Variants in ADAT3 observed in about 807,000 individuals in gnomAD.
ADAT3 encodes adenosine deaminase tRNA specific 3.
ADAT3 carries 2 observed loss-of-function variants against 3.5 expected under a neutral mutation model. That is an observed-to-expected ratio of 0.57 (90% CI 0.23 to 1.79). The LOEUF (loss-of-function observed/expected upper bound fraction) is 1.79, where lower values mean the gene tolerates loss of function less well. Among genes scored for constraint, ADAT3 ranks in the 40% most tolerant of loss-of-function variants. The pLI is 0.18. For synonymous variants in ADAT3, 358 were observed against 270.3 expected, an observed-to-expected ratio of 1.32 and a Z score of -3.18; for missense variants, 735 against 571.4, an observed-to-expected ratio of 1.29 and a Z score of -2.92.
intron 1 of ADAT3, among the ~76,000 whole-genome samples, chr19:1,907,644 A>G (rs1346362604): frequency 6.6e-6 from 1 of 152,116 alleles, no homozygotes; most frequent in Non-Finnish European, 1.5e-5. Flanking sequence ...GGTTGTCACC[A>G]CGCAGGGTCT....
In ADAT3 at chr19:1,913,299, C is replaced by T; in HGVS notation, c.*148C>T. Reference sequence around the variant, plus strand: ...CAGCGGGGAGCACGGGTGCTGCCTTCCGTGCGGATCGAGCTTTCCTGGACT... The same window carrying T: ...CAGCGGGGAGCACGGGTGCTGCCTTTCGTGCGGATCGAGCTTTCCTGGACT... On this transcript the variant is annotated 3_prime_UTR_variant, in exon 2 of 2. Transcript: ENST00000329478. 1 of 1,229,174 alleles carries T rather than the reference C, an allele frequency of 8.1e-7. No homozygotes were observed. Among genetic ancestry groups the T allele is most frequent in the Non-Finnish European group, 1.1e-6 (1 of 903,956 alleles). The allele number at this position is 1,229,174 out of a possible 1,614,324, so 76.1% of individuals were successfully genotyped here. A position where few individuals can be genotyped will look rare whatever the true frequency, so the allele number is the denominator to read the frequency against.
rs538664300 is a variant in ADAT3 at position 1,912,109 on chromosome 19, C to G, written c.62C>G (p.Pro21Arg). 6.6e-7 allele frequency: 1 copy of G among 1,521,050 alleles called. No individual in the cohort carries two copies. The highest frequency in any genetic ancestry group is 1.2e-5 in the South Asian group (1 of 80,670). The allele number at this position is 1,521,050 out of a possible 1,614,324, so 94.2% of individuals were successfully genotyped here. A position where few individuals can be genotyped will look rare whatever the true frequency, so the allele number is the denominator to read the frequency against. ...GCCTCGCTGAGGATGGAGCCCGCCC[C>G]GGGCCTCGTGGAGCAGCCCAAGTGC... ...QSASLRMEPAPGLVEQPKCLE... is the reference protein window; with the variant it reads ...QSASLRMEPARGLVEQPKCLE... The change falls in exon 2 of 2, where the codon CCG becomes CGG. Residue 21 changes from proline to arginine, a missense_variant. Transcript: ENST00000329478.
At position 1,912,615 on chromosome 19, in the gene ADAT3, C is replaced by T. The variant is rs1459042009; in HGVS notation, c.568C>T (p.Gln190Ter). ...CTCCACGCAGGAGCGCGCCGCCATGCAGAGCCACATGGAGCGGGCGGTGTG... is the reference window on the plus strand; with the variant it reads ...CTCCACGCAGGAGCGCGCCGCCATGTAGAGCCACATGGAGCGGGCGGTGTG... ...LFSTQERAAM[Q>*]SHMERAVWAA... The change falls in exon 2 of 2, where the codon CAG becomes TAG. Residue 190 changes from glutamine (Q) to a stop codon, truncating the protein, a stop_gained. Coordinates refer to ENST00000329478, the MANE Select transcript of ADAT3 (RefSeq NM_138422.4). LOFTEE classifies it low-confidence loss of function (END_TRUNC). 1.4e-6 allele frequency: 2 copies of T among 1,476,350 alleles called. No individual in the cohort carries two copies. The highest frequency in any genetic ancestry group is 1.8e-6 in the Non-Finnish European group (2 of 1,120,420). The allele number at this position is 1,476,350 out of a possible 1,614,324, so 91.5% of individuals were successfully genotyped here. A position where few individuals can be genotyped will look rare whatever the true frequency, so the allele number is the denominator to read the frequency against.
chr19:1,907,498 G>A (rs1338510177), intron 1 of ADAT3, among the ~76,000 whole-genome samples: 8 of 152,098 alleles, frequency 5.3e-5, no homozygotes, highest in African/African-American at 1.4e-4. Context: ...GGAATTGACC[G>A]CGCTGGGCTG....
Position 1,908,266 on chromosome 19 carries a change from T to C in ADAT3, c.-159+2827T>C, listed in dbSNP as rs1446159908. On this transcript the variant is annotated intron_variant, in intron 1 of 1. Transcript: ENST00000329478. The surrounding 1 kb of genome is among the most constrained non-coding windows in gnomAD (Gnocchi z 4.2). The stretch of plus-strand genomic sequence containing the variant: ...CGCGCTTCCTGCTCCCGGCTCCCAC[T>C]GCATCTCCGGTTCTGTGCTTTGTTG... 7.0e-6 allele frequency: 2 copies of C among 283,946 alleles called. No homozygotes were observed. The highest frequency in any genetic ancestry group is 7.0e-6 in the Non-Finnish European group (1 of 142,586). 17.6% of individuals were successfully genotyped at this position (283,946 alleles called of 1,614,324 possible).
At chr19:1,906,563 G>A (rs79235473) in intron 1 of ADAT3, 9,296 of 151,732 alleles carry the variant, frequency 0.061, 372 homozygotes, top group East Asian at 0.13. Flanking sequence ...AAATACATAC[G>A]TGTAGCGCCG....
rs1444448138 is a variant in ADAT3 at position 1,913,135 on chromosome 19, T to C, written c.1088T>C (p.Leu363Pro). The change falls in exon 2 of 2, where the codon CTG (leucine) becomes CCG (proline). Residue 363 changes from leucine (L) to proline (P), a missense_variant. Transcript: ENST00000329478. The stretch of plus-strand genomic sequence containing the variant: ...GTGCTGGAGGAGCAGTGCCGCTGGC[T>C]GGACCCCGACACGTAGGCGCCGCCC... ...RGVLEEQCRW[L>P]DPDT is the part of the protein sequence containing the mutation. 2 of 1,566,984 alleles carry C rather than the reference T, an allele frequency of 1.3e-6. No individual in the cohort carries two copies. The highest frequency in any genetic ancestry group is 2.4e-5 in the East Asian group (1 of 42,478).
In ADAT3 at chr19:1,911,986, G is replaced by C; in HGVS notation, c.-62G>C. The C allele has an allele frequency of 7.1e-7, 1 of 1,411,480 alleles. No homozygotes were observed. 87.4% of individuals were successfully genotyped at this position (1,411,480 alleles called of 1,614,324 possible). A position where few individuals can be genotyped will look rare whatever the true frequency, so the allele number is the denominator to read the frequency against. The stretch of plus-strand genomic sequence containing the variant: ...CTTTGGTGGCAGCACGCCCTGCCTT[G>C]TGGAGCCACGGCCTCCCGGGACGGA... On this transcript the variant is annotated 5_prime_UTR_variant, in exon 2 of 2. Coordinates refer to ENST00000329478, the MANE Select transcript of ADAT3 (RefSeq NM_138422.4).
In ADAT3 at chr19:1,912,725, C is replaced by G. The variant is rs1323251137; in HGVS notation, c.678C>G (p.Thr226=). ...CGGCCTCGGACCGCGTGCTGGCCAC[C>G]GGCCACGACTGCAGCTGCGCGGACA... ...VDPASDRVLA[T]GHDCSCADNP... The change falls in exon 2 of 2, where the codon ACC becomes ACG. Residue 226 remains threonine (T), a synonymous_variant. Coordinates refer to ENST00000329478, the MANE Select transcript of ADAT3 (RefSeq NM_138422.4). The G allele has an allele frequency of 2.6e-6, 4 of 1,523,428 alleles. No individual in the cohort carries two copies. Among genetic ancestry groups the G allele is most frequent in the Non-Finnish European group, 1.7e-6 (2 of 1,143,084 alleles). 94.4% of individuals were successfully genotyped at this position (1,523,428 alleles called of 1,614,324 possible).
In ADAT3 at chr19:1,912,037, G is replaced by A. The variant is rs1051474820; in HGVS notation, c.-11G>A. The A allele has an allele frequency of 6.4e-6, 9 of 1,413,884 alleles. No individual in the cohort carries two copies. The highest frequency in any genetic ancestry group is 3.0e-5 in the Admixed American group (1 of 33,242). 87.6% of individuals were successfully genotyped at this position (1,413,884 alleles called of 1,614,324 possible). On this transcript the variant is annotated 5_prime_UTR_variant, in exon 2 of 2. Coordinates refer to ENST00000329478, the MANE Select transcript of ADAT3 (RefSeq NM_138422.4). ...CTCCCCGGCTCTCCCCCAGCCGCCC[G>A]CAGCCGCCGGATGATCCTCTGCTCC...
rs1479208351 is a variant in ADAT3, at chr19:1,911,884, C to T, written c.-158-6C>T. On this transcript the variant is annotated splice_region_variant and splice_polypyrimidine_tract_variant and intron_variant, in intron 1 of 1. Coordinates refer to ENST00000329478, the MANE Select transcript of ADAT3 (RefSeq NM_138422.4). ...CCAATGGCTGTTTAAACTCTGTGCA[C>T]ACCAGGGGTTAGCAGGACATGAGGG... The T allele has an allele frequency of 6.1e-6, 5 of 824,522 alleles. No individual in the cohort carries two copies. In the African/African-American group the frequency reaches 7.2e-5, roughly 12 times the overall value. 51.1% of individuals were successfully genotyped at this position (824,522 alleles called of 1,614,324 possible). A position where few individuals can be genotyped will look rare whatever the true frequency, so the allele number is the denominator to read the frequency against.
rs534419050 is a variant in ADAT3 at position 1,910,299 on chromosome 19, C to T, written c.-158-1591C>T. Among the ~76,000 whole-genome samples, 9 of 152,314 alleles carry T rather than the reference C, an allele frequency of 5.9e-5. No homozygotes were observed. The South Asian group carries it at 1.9e-3, about 32-fold the overall frequency. On this transcript the variant is annotated intron_variant, in intron 1 of 1. Coordinates refer to ENST00000329478, the MANE Select transcript of ADAT3 (RefSeq NM_138422.4). Reference sequence around the variant, plus strand: ...AATTCAGCAGCTTGCGGCCGGGGGACCAAGGGTCCTGCTCAGTTCCTGGCC... The same window carrying T: ...AATTCAGCAGCTTGCGGCCGGGGGATCAAGGGTCCTGCTCAGTTCCTGGCC...
rs765498857 is a variant in ADAT3, at chr19:1,912,999, C to T, written c.952C>T (p.Arg318Cys). The T allele has an allele frequency of 2.5e-6, 4 of 1,608,048 alleles. No homozygotes were observed. The highest frequency in any genetic ancestry group is 4.5e-5 in the East Asian group (2 of 44,854). ...AMCAMALVHA[R>C]ILRVFYGAPS... ...GTGCGCCATGGCCCTGGTGCACGCA[C>T]GCATCCTGCGCGTCTTCTACGGTGC... is the stretch of plus-strand genomic sequence containing the variant. Residue 318 changes from arginine (R) to cysteine (C), a missense_variant, in exon 2 of 2, where the codon CGC becomes TGC. Physicochemically the swap from Arg to Cys is radical, Grantham distance 180. Transcript: ENST00000329478.
At position 1,912,008 on chromosome 19, in the gene ADAT3, C is replaced by T. The variant is rs964469513; in HGVS notation, c.-40C>T. On this transcript the variant is annotated 5_prime_UTR_variant, in exon 2 of 2. The change creates a new upstream start codon in the 5' untranslated region. Transcript: ENST00000329478. ...CTTGTGGAGCCACGGCCTCCCGGGA[C>T]GGACTCCCCGGCTCTCCCCCAGCCG... The T allele has an allele frequency of 2.6e-5, 37 of 1,415,164 alleles. No homozygotes were observed. Among genetic ancestry groups the T allele is most frequent in the Non-Finnish European group, 3.1e-5 (34 of 1,091,530 alleles). The allele number at this position is 1,415,164 out of a possible 1,614,324, so 87.7% of individuals were successfully genotyped here.
In ADAT3 at chr19:1,912,385, C is replaced by T; in HGVS notation, c.338C>T (p.Ala113Val). The T allele has an allele frequency of 1.3e-6, 2 of 1,519,622 alleles. No homozygotes were observed. Among genetic ancestry groups the T allele is most frequent in the South Asian group, 2.4e-5 (2 of 81,730 alleles). 94.1% of individuals were successfully genotyped at this position (1,519,622 alleles called of 1,614,324 possible). ...GCCCTGGAGATGCTGCTTTGCCTGG[C>T]TGGGCCGGCCTCGGGCCCGCGCTCG... Reference protein sequence around the residue: ...PHALEMLLCLAGPASGPRSLA... With the variant: ...PHALEMLLCLVGPASGPRSLA... Residue 113 changes from alanine to valine, a missense_variant, in exon 2 of 2, where the codon GCT becomes GTT. Transcript: ENST00000329478.
At position 1,912,065 on chromosome 19, in the gene ADAT3, T is replaced by C. The variant is rs2013481525; in HGVS notation, c.18T>C (p.Arg6=). The C allele has an allele frequency of 3.5e-6, 5 of 1,437,188 alleles. No individual in the cohort carries two copies. In the South Asian group the frequency reaches 7.2e-5, roughly 21 times the overall value. The allele number at this position is 1,437,188 out of a possible 1,614,324, so 89.0% of individuals were successfully genotyped here. A position where few individuals can be genotyped will look rare whatever the true frequency, so the allele number is the denominator to read the frequency against. ...GCCGCCGGATGATCCTCTGCTCCCG[T>C]CTCTGTCTCCCACAGTCGGCCTCGC... MILCS[R]LCLPQSASLR... The change falls in exon 2 of 2, where the codon CGT becomes CGC. Residue 6 remains arginine, a synonymous_variant. Coordinates refer to ENST00000329478, the MANE Select transcript of ADAT3 (RefSeq NM_138422.4).
Position 1,912,837 on chromosome 19 carries a change from G to A in ADAT3, c.790G>A (p.Ala264Thr), listed in dbSNP as rs760364157. 1.9e-6 allele frequency: 3 copies of A among 1,592,706 alleles called. No individual in the cohort carries two copies. The highest frequency in any genetic ancestry group is 1.3e-5 in the African/African-American group (1 of 74,528). ...RGTYDFRPFP[A>T]CSFAPAAAPQ... ...CACCTACGACTTCAGACCCTTCCCC[G>A]CCTGCTCCTTCGCCCCGGCCGCTGC... The change falls in exon 2 of 2, where the codon GCC becomes ACC. Residue 264 changes from alanine to threonine, a missense_variant. Coordinates refer to ENST00000329478, the MANE Select transcript of ADAT3 (RefSeq NM_138422.4).
chr19:1,906,601 A>C (rs2013127628), intron 1 of ADAT3: 1 of 152,172 alleles, frequency 6.6e-6, no homozygotes. Context: ...CTGTAATCCT[A>C]GCACTTTGGG....
rs2013602891 is a variant in ADAT3, at chr19:1,913,343, C to T, written c.*192C>T. ...CTGGACTCGGTCATTGGGGCCACCC[C>T]GTGCCAGCGGTGCCCTTCTGCGGCC... is the stretch of plus-strand genomic sequence containing the variant. On this transcript the variant is annotated 3_prime_UTR_variant, in exon 2 of 2. Transcript: ENST00000329478. The T allele has an allele frequency of 3.5e-6, 3 of 851,560 alleles. No individual in the cohort carries two copies. Among genetic ancestry groups the T allele is most frequent in the South Asian group, 3.8e-5 (2 of 52,572 alleles). The allele number at this position is 851,560 out of a possible 1,614,324, so 52.8% of individuals were successfully genotyped here.
Sources: gnomAD v4.1 joint callset for allele counts (sites outside exome capture counted in the v4.1 genomes callset) on GRCh38, gnomAD v4.1.1 for gene constraint, Gnocchi (gnomAD v3.1) non-coding constraint, MANE v1.5 for transcripts, NCBI Gene and HGNC (gene_info 2026-07-23, HGNC 2026-07-21) for gene names.